SH3YL1: variants seen among roughly 807,000 people sequenced by gnomAD.
The protein encoded by SH3YL1 is SH3 domain-containing YSC84-like protein 1.
A neutral mutation model predicts 45.8 loss-of-function variants in SH3YL1; 41 were observed. The ratio of observed to expected loss-of-function variants is 0.89; its 90% CI spans 0.70 to 1.16. The LOEUF (loss-of-function observed/expected upper bound fraction) is 1.16, where lower values mean the gene tolerates loss of function less well. Ranked by LOEUF, SH3YL1 falls within the 50% of genes most tolerant of loss-of-function variation. The pLI is 0.00. For missense variants in SH3YL1, 389 were observed against 409.6 expected, an observed-to-expected ratio of 0.95 and a Z score of 0.43; for synonymous variants, 152 against 151.4, an observed-to-expected ratio of 1.00 and a Z score of -0.03.
intron 9 of SH3YL1, among the ~76,000 whole-genome samples, chr2:224,255 T>A (rs1174610207): frequency 1.3e-5 from 2 of 152,200 alleles, no homozygotes; most frequent in Non-Finnish European, 2.9e-5. Flanking sequence ...AATATTTAAG[T>A]AAGACAGATT....
At chr2:239,842 A>G (rs1250294700) in intron 4 of SH3YL1, 3 of 152,244 alleles carry the variant, frequency 2.0e-5, no homozygotes, top group Non-Finnish European at 4.4e-5. Flanking sequence ...AAGAAAATGA[A>G]GACACATTGA....
chr2:252,817 T>C (rs1203044176), intron 2 of SH3YL1, among the ~76,000 whole-genome samples, 188 bp downstream of exon 2: 1 of 152,134 alleles, frequency 6.6e-6, no homozygotes, highest in African/African-American at 2.4e-5. Flanking sequence ...GAAGTTGTAA[T>C]GAACAGGTAG....
At chr2:247,474 C>T (rs1668872955) in intron 4 of SH3YL1, 64 bp downstream of exon 4, 1 of 1,294,898 alleles carries the variant, frequency 7.7e-7, no homozygotes, top group Admixed American at 2.5e-5. Context: ...TCAGTTTTCA[C>T]AGGTTGCATC....
intron 1 of SH3YL1, chr2:263,765 A>G (rs1669709086): frequency 6.4e-6 from 3 of 466,810 alleles, no homozygotes; most frequent in Non-Finnish European, 7.7e-6. Flanking sequence ...TAGCTTTTCT[A>G]AAAATGGAAA....
intron 4 of SH3YL1, chr2:240,926 T>C (rs898671): frequency 0.074 from 11,145 of 151,120 alleles, 509 homozygotes; most frequent in African/African-American, 0.12. Flanking sequence ...GGGGGAGAGG[T>C]TGAGCACCCA....
chr2:230,931 G>C (rs1668005937), intron 7 of SH3YL1, 92 bp downstream of exon 7: 3 of 1,238,820 alleles, frequency 2.4e-6, no homozygotes, highest in Non-Finnish European at 3.6e-6. Context: ...AGGAGGCTTA[G>C]TAGGTTCTTA....
rs1384383001 is a variant in SH3YL1 at position 233,066 on chromosome 2, C to T, written c.533+35G>A. On this transcript the variant is annotated intron_variant, in intron 6 of 9. Transcript: ENST00000356150. ...CTTTTGAAGTACTATTTTCTCATCA[C>T]ACTTTCAATTAAAATCACTTTAACT... 7.3e-6 allele frequency: 11 copies of T among 1,512,402 alleles called. No homozygotes were observed. In the Middle Eastern group the frequency reaches 8.8e-4, roughly 121 times the overall value. 93.7% of individuals were successfully genotyped at this position (1,512,402 alleles called of 1,614,324 possible).
In SH3YL1 at chr2:224,847, T is replaced by C. The variant is rs372927698; in HGVS notation, c.838+17A>G. ...ATGAATATGAATCATTTATAACATATAGATTTACTGATTTACCAACTCTCT... is the reference window on the plus strand; with the variant it reads ...ATGAATATGAATCATTTATAACATACAGATTTACTGATTTACCAACTCTCT... On this transcript the variant is annotated intron_variant, in intron 9 of 9. Coordinates refer to ENST00000356150, the MANE Select transcript of SH3YL1 (RefSeq NM_015677.4). 21 of 1,561,154 alleles carry C rather than the reference T, an allele frequency of 1.3e-5. No homozygotes were observed. The highest frequency in any genetic ancestry group is 1.7e-5 in the Non-Finnish European group (19 of 1,132,162).
chr2:253,890 AG>A (rs1253178738), intron 1 of SH3YL1, among the ~76,000 whole-genome samples: 4 of 152,154 alleles, frequency 2.6e-5, no homozygotes, highest in Non-Finnish European at 5.9e-5. Context: ...CCTCATTGAC[AG>A]TATCATCTCT....
intron 1 of SH3YL1, among the ~76,000 whole-genome samples, chr2:257,283 A>C (rs762212385): frequency 2.6e-5 from 4 of 152,106 alleles, no homozygotes; most frequent in Non-Finnish European, 5.9e-5. Flanking sequence ...TGCTTTTGGC[A>C]TCTTTATCAT....
intron 9 of SH3YL1, among the ~76,000 whole-genome samples, chr2:219,393 G>A (rs1271080437): frequency 1.3e-5 from 2 of 152,052 alleles, no homozygotes; most frequent in Admixed American, 6.5e-5. Context: ...AGGTCATTAC[G>A]TTTCCCCCTC....
intron 6 of SH3YL1, 57 bp downstream of exon 6, chr2:233,044 T>C: frequency 6.9e-7 from 1 of 1,439,950 alleles, no homozygotes; most frequent in Non-Finnish European, 9.3e-7. Flanking sequence ...ATATCAACTT[T>C]TGAAGTACTA....
At chr2:229,305 T>C (rs1667925817) in intron 8 of SH3YL1, among the ~76,000 whole-genome samples, 1 of 152,122 alleles carries the variant, frequency 6.6e-6, no homozygotes, top group Admixed American at 6.5e-5. Context: ...ATTATAAATA[T>C]GAGTATGATA....
At chr2:223,504 G>C (rs771573428) in intron 9 of SH3YL1, among the ~76,000 whole-genome samples, 79 of 152,268 alleles carry the variant, frequency 5.2e-4, no homozygotes, top group Non-Finnish European at 9.0e-4. Flanking sequence ...GTCTAATCTT[G>C]AGTCTTTAAA....
chr2:220,662 C>T (rs1237162911), intron 9 of SH3YL1, among the ~76,000 whole-genome samples: 1 of 152,194 alleles, frequency 6.6e-6, no homozygotes, highest in Non-Finnish European at 1.5e-5. Flanking sequence ...CGCCGTGCTT[C>T]CCTGTCATCA....
At chr2:228,108 C>T (rs1667864849) in intron 8 of SH3YL1, among the ~76,000 whole-genome samples, 1 of 152,150 alleles carries the variant, frequency 6.6e-6, no homozygotes, top group African/African-American at 2.4e-5. Context: ...AGTGGCCTAG[C>T]CACAAAGGAT....
intron 2 of SH3YL1, among the ~76,000 whole-genome samples, chr2:252,091 G>A (rs1426237524): frequency 2.0e-5 from 3 of 152,128 alleles, no homozygotes; most frequent in African/African-American, 4.8e-5. Context: ...ATGTGTCACT[G>A]ACTACTTAAG....
upstream of SH3YL1, chr2:264,157 G>A: frequency 6.3e-6 from 6 of 954,094 alleles, no homozygotes; most frequent in African/African-American, 1.7e-5. Context: ...CCACGCGCCC[G>A]CCGGGCCGCG....
At chr2:223,553 G>A (rs926683654) in intron 9 of SH3YL1, among the ~76,000 whole-genome samples, 6 of 152,258 alleles carry the variant, frequency 3.9e-5, no homozygotes, top group South Asian at 2.1e-4. Flanking sequence ...AGGTGTTTAC[G>A]CTGTCTTGGT....
Sources: allele counts gnomAD v4.1 joint callset (sites outside exome capture counted in the v4.1 genomes callset), GRCh38; gene constraint gnomAD v4.1.1; transcripts MANE v1.5; gene names NCBI Gene and HGNC (gene_info 2026-07-23, HGNC 2026-07-21).